The following KATNIP variants were observed in gnomAD, a reference collection of about 807,000 sequenced individuals.
KATNIP encodes katanin-interacting protein.
In KATNIP, 126 loss-of-function variants were observed where a neutral mutation model predicts 174.0. The observed-to-expected ratio is 0.72, with a 90% CI of 0.63 to 0.84. KATNIP has a LOEUF of 0.84. Among genes scored for constraint, KATNIP ranks in the 40% least tolerant of loss-of-function variants. The pLI is 0.00. For missense variants in KATNIP, 1,958 were observed against 2,109.7 expected (o/e 0.93, Z 1.41); for synonymous variants, 810 against 835.7 (o/e 0.97, Z 0.53).
chr16:27,775,211 C>G (rs918247545), intron 24 of KATNIP, 127 bp downstream of exon 24: 4 of 1,192,412 alleles, frequency 3.4e-6, no homozygotes, highest in Middle Eastern at 4.2e-4. Flanking sequence ...TGCTTGGGAG[C>G]TGTCAGAAAG....
chr16:27,770,072 G>T lies in KATNIP; in HGVS notation c.4133+54G>T, dbSNP rs2082248066. 4.4e-6 allele frequency: 7 copies of T among 1,586,138 alleles called. No individual in the cohort carries two copies. The Admixed American group carries it at 1.0e-4, about 23-fold the overall frequency. ...CCCCTCCCGGCCCCTGGGCCCGCTT[G>T]CTTTGCAAGTTGCTCTGATGTACAT... On this transcript the variant is annotated intron_variant, in intron 21 of 27. Transcript: ENST00000261588.
intron 1 of KATNIP, among the ~76,000 whole-genome samples, chr16:27,551,156 A>G (rs2089345143): frequency 1.3e-5 from 2 of 152,192 alleles, no homozygotes; most frequent in African/African-American, 4.8e-5. Context: ...GGCTATTCTG[A>G]TATCTCACTT....
At chr16:27,660,249 A>G (rs996314482) in intron 6 of KATNIP, among the ~76,000 whole-genome samples, 1 of 152,178 alleles carries the variant, frequency 6.6e-6, no homozygotes, top group African/African-American at 2.4e-5. Flanking sequence ...TCTTATTCCC[A>G]TATTACAAAA....
At chr16:27,672,143 A>G (rs2077936029) in intron 6 of KATNIP, among the ~76,000 whole-genome samples, 2 of 152,114 alleles carry the variant, frequency 1.3e-5, no homozygotes, top group Admixed American at 1.3e-4. Context: ...CTCATAGGGC[A>G]TAGAACAAAA....
intron 6 of KATNIP, among the ~76,000 whole-genome samples, chr16:27,650,563 G>C (rs1345687021): frequency 6.6e-6 from 1 of 152,180 alleles, no homozygotes; most frequent in African/African-American, 2.4e-5. Flanking sequence ...TGACGTCACC[G>C]CAAAGGCAGA....
chr16:27,580,912 C>G (rs1178413663), intron 2 of KATNIP, among the ~76,000 whole-genome samples: 2 of 151,966 alleles, frequency 1.3e-5, no homozygotes, highest in African/African-American at 4.8e-5. Flanking sequence ...GAAAAGCACT[C>G]TATAATCAAA....
intron 2 of KATNIP, among the ~76,000 whole-genome samples, chr16:27,574,791 C>T (rs1479713487): frequency 5.0e-4 from 11 of 21,924 alleles, no homozygotes; most frequent in East Asian, 0.01. Flanking sequence ...CTCGAACTCC[C>T]GAGCCCGCCT....
chr16:27,706,268 G>A (rs992475809), intron 12 of KATNIP, among the ~76,000 whole-genome samples: 3 of 152,120 alleles, frequency 2.0e-5, no homozygotes, highest in Admixed American at 6.5e-5. Context: ...AGAGAAGCCT[G>A]TTTCTCCCCA....
At chr16:27,708,954 T>C (rs1157248777) in intron 13 of KATNIP, 34 bp downstream of exon 13, 6 of 1,513,902 alleles carry the variant, frequency 4.0e-6, no homozygotes, top group South Asian at 1.2e-5. Flanking sequence ...GCTTCTTGGC[T>C]GTGTATTCCC....
intron 9 of KATNIP, among the ~76,000 whole-genome samples, chr16:27,698,946 T>C (rs2079006863): frequency 6.6e-6 from 1 of 152,144 alleles, no homozygotes; most frequent in Non-Finnish European, 1.5e-5. Flanking sequence ...TCACAAAACC[T>C]CTCTGGGCCT....
intron 6 of KATNIP, among the ~76,000 whole-genome samples, chr16:27,669,091 G>GTAGC (rs2077793514): frequency 6.6e-6 from 1 of 152,208 alleles, no homozygotes; most frequent in South Asian, 2.1e-4. Context: ...TTAGCAAGTA[G>GTAGC]TAGCTATTGT....
Position 27,777,979 on chromosome 16 carries a change from G to C in KATNIP, c.4801+10G>C. 2 of 1,612,670 alleles carry C rather than the reference G, an allele frequency of 1.2e-6. No individual in the cohort carries two copies. Among genetic ancestry groups the C allele is most frequent in the Non-Finnish European group, 1.7e-6 (2 of 1,178,830 alleles). On this transcript the variant is annotated intron_variant, in intron 27 of 27. Coordinates refer to ENST00000261588, the MANE Select transcript of KATNIP (RefSeq NM_015202.5). The surrounding 1 kb of genome is among the most constrained non-coding windows in gnomAD (Gnocchi z 4.4). ...AGCGTTGTTGACCCAGGTCAGTGGCGTTTCTCTGCCCAGAGCATTGTGCCT... is the reference window on the plus strand; with the variant it reads ...AGCGTTGTTGACCCAGGTCAGTGGCCTTTCTCTGCCCAGAGCATTGTGCCT...
chr16:27,579,790 G>A (rs922317497), intron 2 of KATNIP, among the ~76,000 whole-genome samples: 1 of 152,116 alleles, frequency 6.6e-6, no homozygotes, highest in African/African-American at 2.4e-5. Context: ...ACTTTGCAAG[G>A]ATTGCAAAAG....
intron 6 of KATNIP, among the ~76,000 whole-genome samples, chr16:27,670,511 G>T (rs1470064859): frequency 6.6e-6 from 1 of 152,190 alleles, no homozygotes; most frequent in Non-Finnish European, 1.5e-5. Context: ...CTGGGTTTCT[G>T]GCTGTTTGAG....
At chr16:27,743,148 C>T (rs370871686) in intron 15 of KATNIP, among the ~76,000 whole-genome samples, 14 of 152,190 alleles carry the variant, frequency 9.2e-5, no homozygotes, top group Non-Finnish European at 1.8e-4. Context: ...CTGAGGATAA[C>T]GGCTTCTGCC....
At chr16:27,677,623 T>C in intron 6 of KATNIP, 106 bp from the exon 7 acceptor site, 1 of 1,169,894 alleles carries the variant, frequency 8.5e-7, no homozygotes, top group South Asian at 1.6e-5. Context: ...TATTGTTAAA[T>C]GTTAGTTTGG....
At chr16:27,570,995 T>C (rs1360752051) in intron 1 of KATNIP, among the ~76,000 whole-genome samples, 1 of 152,202 alleles carries the variant, frequency 6.6e-6, no homozygotes, top group Non-Finnish European at 1.5e-5. Flanking sequence ...CATTTTGAAG[T>C]TAAGCTGCCC....
chr16:27,723,345 G>C (rs763402510), intron 14 of KATNIP, among the ~76,000 whole-genome samples: 1 of 151,824 alleles, frequency 6.6e-6, no homozygotes, highest in Non-Finnish European at 1.5e-5. Flanking sequence ...TTTCCATCCC[G>C]TGAACATAGC....
At chr16:27,706,247 C>T (rs1182711066) in intron 12 of KATNIP, among the ~76,000 whole-genome samples, 1 of 152,172 alleles carries the variant, frequency 6.6e-6, no homozygotes, top group Non-Finnish European at 1.5e-5. Context: ...TCATCAGACT[C>T]CACTGTCAGG....
Sources: allele counts gnomAD v4.1 joint callset (sites outside exome capture counted in the v4.1 genomes callset), GRCh38; gene constraint gnomAD v4.1.1; non-coding constraint Gnocchi (gnomAD v3.1); transcripts MANE v1.5; gene names NCBI Gene and HGNC (gene_info 2026-07-23, HGNC 2026-07-21).